ZMYM4: variants seen among roughly 807,000 people sequenced by gnomAD.
ZMYM4 encodes zinc finger MYM-type protein 4.
In ZMYM4, 31 loss-of-function variants were observed where a neutral mutation model predicts 183.2. The ratio of observed to expected loss-of-function variants is 0.17; its 90% CI spans 0.13 to 0.23. The LOEUF is 0.23. ZMYM4 is among the 10% of genes least tolerant of loss of function. ZMYM4 has a pLI of 1.00. For synonymous variants in ZMYM4, 592 were observed against 631.2 expected (o/e 0.94, Z 0.93); for missense variants, 1,273 against 1,840.3 (o/e 0.69, Z 5.64).
chr1:35,314,763 A>T (rs1309597532), intron 1 of ZMYM4, among the ~76,000 whole-genome samples: 1 of 136,814 alleles, frequency 7.3e-6, no homozygotes, highest in Non-Finnish European at 1.5e-5. Context: ...GCAGTGGCTC[A>T]TGCCTAATCC....
At chr1:35,307,431 G>A (rs1303812587) in intron 1 of ZMYM4, among the ~76,000 whole-genome samples, 1 of 151,294 alleles carries the variant, frequency 6.6e-6, no homozygotes, top group Admixed American at 6.6e-5. Flanking sequence ...TCCCTTAGAA[G>A]GTAAATGATG....
chr1:35,305,880 G>A (rs939127202), intron 1 of ZMYM4, among the ~76,000 whole-genome samples: 5 of 152,068 alleles, frequency 3.3e-5, no homozygotes, highest in Non-Finnish European at 1.5e-5. Flanking sequence ...CTATATCTGA[G>A]ATTAATGTGG....
intron 1 of ZMYM4, among the ~76,000 whole-genome samples, chr1:35,296,400 G>A (rs976860333): frequency 2.6e-5 from 4 of 152,186 alleles, no homozygotes; most frequent in African/African-American, 9.6e-5. Context: ...TTCAGAATCT[G>A]TATTACATGC....
chr1:35,383,753 TA>T (rs1451625745), intron 9 of ZMYM4, among the ~76,000 whole-genome samples: 2 of 152,186 alleles, frequency 1.3e-5, no homozygotes, highest in Non-Finnish European at 2.9e-5. Context: ...CAAAACCTAT[TA>T]AATTTTTCAT....
intron 1 of ZMYM4, among the ~76,000 whole-genome samples, chr1:35,322,892 A>G (rs1358198052): frequency 6.6e-6 from 1 of 151,372 alleles, no homozygotes; most frequent in African/African-American, 2.4e-5. Flanking sequence ...GGGTTTCACC[A>G]TGTTGGCCAG....
chr1:35,385,390 T>A, intron 9 of ZMYM4, 52 bp from the exon 10 acceptor site: 1 of 1,549,682 alleles, frequency 6.5e-7, no homozygotes, highest in South Asian at 1.2e-5. Context: ...CGAAGAATTA[T>A]GCTTTTACTA....
intron 5 of ZMYM4, among the ~76,000 whole-genome samples, chr1:35,367,832 C>T (rs1025921922): frequency 4.6e-5 from 7 of 151,804 alleles, no homozygotes; most frequent in South Asian, 4.2e-4. Context: ...AAAAATTAGC[C>T]GGGTGTGGTG....
At chr1:35,283,326 CTTT>C (rs201360397) in intron 1 of ZMYM4, among the ~76,000 whole-genome samples, 1 of 56,732 alleles carries the variant, frequency 1.8e-5, no homozygotes, top group African/African-American at 9.5e-5. Flanking sequence ...GAAGTGGTAT[CTTT>C]TTTTTTTTTT....
chr1:35,408,232 A>T, intron 26 of ZMYM4, 73 bp downstream of exon 26: 2 of 1,558,758 alleles, frequency 1.3e-6, no homozygotes, highest in Non-Finnish European at 1.8e-6. Context: ...CAGAAATTAC[A>T]TGCACATGTA....
chr1:35,399,463 T>G lies in ZMYM4; in HGVS notation c.3434-19T>G, dbSNP rs1347277812. 6.2e-7 allele frequency: 1 copy of G among 1,611,598 alleles called. No homozygotes were observed. ...GTGAGTTATTTACCTCATGTTGTCC[T>G]TTCTGCTGATTATTATAGACTCCTT... is the stretch of plus-strand genomic sequence containing the variant. On this transcript the variant is annotated intron_variant, in intron 22 of 29. Transcript: ENST00000314607.
chr1:35,331,856 ACT>A lies in ZMYM4; in HGVS notation c.85+6454_85+6455del, dbSNP rs1283501319. On this transcript the variant is annotated intron_variant, in intron 2 of 29. Coordinates refer to ENST00000314607, the MANE Select transcript of ZMYM4 (RefSeq NM_005095.3). ...TAAATAAAATTGTGGTATCAAGGAA[ACT>A]CTGACACTAAAAAGGAGATATAAGT... Among the ~76,000 whole-genome samples the A allele has an allele frequency of 1.0e-4, 15 of 150,528 alleles. 2 individuals are homozygous for A. Among genetic ancestry groups the A allele is most frequent in the African/African-American group, 2.7e-4 (11 of 40,986 alleles).
Position 35,297,806 on chromosome 1 carries a change from C to T in ZMYM4, c.40-27554C>T, listed in dbSNP as rs1034982727. Among the ~76,000 whole-genome samples, 4 of 152,194 alleles carry T rather than the reference C, an allele frequency of 2.6e-5. No individual in the cohort carries two copies. In the East Asian group the frequency reaches 7.7e-4, roughly 29 times the overall value. On this transcript the variant is annotated intron_variant, in intron 1 of 29. Transcript: ENST00000314607. ...CTAGTTCCTGCTTGAGCCCTATACT[C>T]AAGCCTAAGGACACAACGAAAAGCA...
intron 10 of ZMYM4, 83 bp downstream of exon 10, chr1:35,385,675 G>T (rs1396331639): frequency 7.0e-7 from 1 of 1,420,118 alleles, no homozygotes; most frequent in Non-Finnish European, 9.4e-7. Context: ...TTTTTTGGTT[G>T]ATTTTTAAGG....
chr1:35,324,521 A>T (rs1013420919), intron 1 of ZMYM4, among the ~76,000 whole-genome samples: 5 of 152,102 alleles, frequency 3.3e-5, no homozygotes, highest in Non-Finnish European at 5.9e-5. Flanking sequence ...TTCTCTTCAT[A>T]TTTATGAATA....
intron 2 of ZMYM4, among the ~76,000 whole-genome samples, chr1:35,337,843 G>T (rs934356957): frequency 2.0e-5 from 3 of 152,184 alleles, no homozygotes; most frequent in African/African-American, 7.2e-5. Flanking sequence ...GGAGGCTGAG[G>T]CAGGAATATC....
chr1:35,296,978 T>C (rs1374175126), intron 1 of ZMYM4, among the ~76,000 whole-genome samples: 3 of 151,274 alleles, frequency 2.0e-5, no homozygotes, highest in Admixed American at 2.0e-4. Context: ...GCCTCCTGAG[T>C]AGCTAGGATT....
At chr1:35,284,226 TCGGCCTC>T (rs1458453185) in intron 1 of ZMYM4, among the ~76,000 whole-genome samples, 2 of 152,140 alleles carry the variant, frequency 1.3e-5, no homozygotes, top group African/African-American at 4.8e-5. Context: ...TCCACCTGCC[TCGGCCTC>T]CCAAAGTGCT....
At chr1:35,373,892 G>A (rs114361510) in intron 7 of ZMYM4, among the ~76,000 whole-genome samples, 1,832 of 151,990 alleles carry the variant, frequency 0.012, 39 homozygotes, top group African/African-American at 0.042. Context: ...TATAACTTAT[G>A]TAGTAAAATT....
At chr1:35,334,413 TTAA>T (rs1026788478) in intron 2 of ZMYM4, among the ~76,000 whole-genome samples, 1 of 152,222 alleles carries the variant, frequency 6.6e-6, no homozygotes, top group African/African-American at 2.4e-5. Context: ...ATAGCTCTTC[TTAA>T]TATTTCCCAG....
Sources: gnomAD v4.1 joint callset for allele counts (sites outside exome capture counted in the v4.1 genomes callset) on GRCh38, gnomAD v4.1.1 for gene constraint, MANE v1.5 for transcripts, NCBI Gene and HGNC (gene_info 2026-07-23, HGNC 2026-07-21) for gene names.